The following PRKAR1B variants were observed in gnomAD, a reference collection of about 807,000 sequenced individuals.
PRKAR1B encodes the protein protein kinase cAMP-dependent type I regulatory subunit beta, also known as cAMP-dependent protein kinase type I-beta regulatory subunit.
A neutral mutation model predicts 46.5 loss-of-function variants in PRKAR1B; 22 were observed. The ratio of observed to expected loss-of-function variants is 0.47; its 90% CI spans 0.34 to 0.68. PRKAR1B has a LOEUF of 0.68. Ranked by LOEUF, PRKAR1B falls within the 30% of genes least tolerant of loss-of-function variation. The pLI is 0.01. For synonymous variants in PRKAR1B, 259 were observed against 217.7 expected (o/e 1.19, Z -1.67); for missense variants, 445 against 535.6 (o/e 0.83, Z 1.67).
rs1257452947 is a variant in PRKAR1B, at chr7:714,860, C to T, written c.-22-3333G>A. ...TCCTCAAACCAAACCTGAGGCCCTT[C>T]CCGTATCTGGACTTCCCAATTATGT... On this transcript the variant is annotated intron_variant, in intron 1 of 10. Transcript: ENST00000537384. The surrounding 1 kb of genome is among the most constrained non-coding windows in gnomAD (Gnocchi z 4.3). 6.6e-6 allele frequency among the ~76,000 whole-genome samples: 1 copy of T among 152,216 alleles called. No homozygotes were observed. Among genetic ancestry groups the T allele is most frequent in the African/African-American group, 2.4e-5 (1 of 41,446 alleles).
intron 9 of PRKAR1B, among the ~76,000 whole-genome samples, chr7:568,305 C>CT (rs1002470258): frequency 6.6e-6 from 1 of 152,200 alleles, no homozygotes; most frequent in Non-Finnish European, 1.5e-5. Context: ...AAGCTGCCCC[C>CT]TCAGGAGCCT....
At chr7:690,337 A>C (rs1217169422) in intron 2 of PRKAR1B, among the ~76,000 whole-genome samples, 2 of 151,750 alleles carry the variant, frequency 1.3e-5, no homozygotes, top group African/African-American at 4.8e-5. Flanking sequence ...CGAGGGCTGA[A>C]AAGCGACGGC....
At chr7:583,490 T>TGCACTCACACCCACACACACAC (rs1780364881) in intron 8 of PRKAR1B, among the ~76,000 whole-genome samples, 1 of 93,006 alleles carries the variant, frequency 1.1e-5, no homozygotes, top group African/African-American at 5.2e-5. Context: ...CGCACACACG[T>TGCACTCACACCCACACACACAC]GTGTGCACAC....
chr7:655,874 C>T (rs963062468), intron 4 of PRKAR1B, among the ~76,000 whole-genome samples: 4 of 152,182 alleles, frequency 2.6e-5, no homozygotes, highest in African/African-American at 4.8e-5. Context: ...GAGCAAATGA[C>T]GCCCCTACTT....
chr7:723,677 T>C (rs1781152838), intron 1 of PRKAR1B, among the ~76,000 whole-genome samples: 1 of 152,222 alleles, frequency 6.6e-6, no homozygotes, highest in African/African-American at 2.4e-5. Context: ...AAAGGGGTCC[T>C]TGAAAAATGC....
rs1241707041 is a variant in PRKAR1B, at chr7:644,543, C to G, written c.440+32686G>C. 6.6e-6 allele frequency among the ~76,000 whole-genome samples: 1 copy of G among 152,194 alleles called. No individual in the cohort carries two copies. The highest frequency in any genetic ancestry group is 2.4e-5 in the African/African-American group (1 of 41,460). On this transcript the variant is annotated intron_variant, in intron 4 of 10. Coordinates refer to ENST00000537384, the MANE Select transcript of PRKAR1B (RefSeq NM_001164760.2). The surrounding 1 kb of genome is among the most constrained non-coding windows in gnomAD (Gnocchi z 4.9). ...GGGCCCACCCTCCACTCCCCGCTGCCAGGGAGCCCTCCCAGCACTGAGGGG... is the reference window on the plus strand; with the variant it reads ...GGGCCCACCCTCCACTCCCCGCTGCGAGGGAGCCCTCCCAGCACTGAGGGG...
At chr7:566,188 C>G (rs1368265591) in intron 9 of PRKAR1B, among the ~76,000 whole-genome samples, 1 of 151,304 alleles carries the variant, frequency 6.6e-6, no homozygotes, top group East Asian at 1.9e-4. Context: ...ATCACCATAA[C>G]CACAACCACC....
chr7:700,985 C>T (rs1397408999), intron 2 of PRKAR1B, among the ~76,000 whole-genome samples: 2 of 151,950 alleles, frequency 1.3e-5, no homozygotes, highest in African/African-American at 4.8e-5. Context: ...GTCAGGAGTT[C>T]GAGAGCAGCC....
At chr7:680,535 C>T in intron 3 of PRKAR1B, 21 bp downstream of exon 3, 1 of 1,597,068 alleles carries the variant, frequency 6.3e-7, no homozygotes, top group Non-Finnish European at 8.5e-7. Context: ...GGACAGGAAC[C>T]CCGTGACCCG....
intron 6 of PRKAR1B, among the ~76,000 whole-genome samples, chr7:601,633 G>A (rs1047623223): frequency 1.2e-4 from 18 of 152,166 alleles, no homozygotes; most frequent in South Asian, 4.1e-4. Context: ...CGGCCCCGCC[G>A]GGCACTCCCT....
chr7:577,771 C>T (rs560477593), intron 9 of PRKAR1B, among the ~76,000 whole-genome samples: 8 of 152,284 alleles, frequency 5.3e-5, no homozygotes, highest in African/African-American at 9.6e-5. Flanking sequence ...GCTTAGCCCA[C>T]GAGGGTTCTT....
chr7:669,721 G>A lies in PRKAR1B; in HGVS notation c.440+7508C>T, dbSNP rs552350869. 6.0e-4 allele frequency among the ~76,000 whole-genome samples: 91 copies of A among 151,548 alleles called. 1 individual carries two copies. Among genetic ancestry groups the A allele is most frequent in the African/African-American group, 1.9e-3 (79 of 41,354 alleles). On this transcript the variant is annotated intron_variant, in intron 4 of 10. Transcript: ENST00000537384. ...GGAGGTTGCAGTGAGCCGAGATAGC[G>A]CCACTGCACTCCAGCCTGGGTGACA...
chr7:681,177 C>G (rs531017112), intron 2 of PRKAR1B, among the ~76,000 whole-genome samples: 2 of 152,100 alleles, frequency 1.3e-5, no homozygotes, highest in Admixed American at 1.3e-4. Context: ...CTGCTTCCCC[C>G]CTGCTGCCTT....
intron 4 of PRKAR1B, among the ~76,000 whole-genome samples, chr7:661,457 C>A (rs1290954911): frequency 5.8e-5 from 6 of 102,784 alleles, no homozygotes; most frequent in African/African-American, 1.2e-4. Context: ...ACTCTCCCCC[C>A]CATGGCACAG....
Position 685,390 on chromosome 7 carries a change from A to ATATACG in PRKAR1B, c.178-4665_178-4664insCGTATA, listed in dbSNP as rs1554303288. ...CACATATATATATATACATACATAT[A>ATATACG]TATATATATATGTATATATATACCA... On this transcript the variant is annotated intron_variant, in intron 2 of 10. Transcript: ENST00000537384. 1.6e-5 allele frequency among the ~76,000 whole-genome samples: 2 copies of ATATACG among 123,712 alleles called. 1 individual carries two copies. Among genetic ancestry groups the ATATACG allele is most frequent in the Non-Finnish European group, 3.3e-5 (2 of 60,886 alleles). The allele number at this position is 123,712 out of a possible 152,430, so 81.2% of individuals were successfully genotyped here. A position where few individuals can be genotyped will look rare whatever the true frequency, so the allele number is the denominator to read the frequency against.
Position 726,819 on chromosome 7 carries a change from C to T in PRKAR1B, c.-23+391G>A. 2 of 1,325,030 alleles carry T rather than the reference C, an allele frequency of 1.5e-6. No individual in the cohort carries two copies. Among genetic ancestry groups the T allele is most frequent in the African/African-American group, 1.5e-5 (1 of 65,232 alleles). The allele number at this position is 1,325,030 out of a possible 1,614,324, so 82.1% of individuals were successfully genotyped here. A position where few individuals can be genotyped will look rare whatever the true frequency, so the allele number is the denominator to read the frequency against. Reference sequence around the variant, plus strand: ...TGGAGCTGAGCCGCGCCCTGAGCCGCCTGCTGCCGGGGCTGGAGGCCGACA... The same window carrying T: ...TGGAGCTGAGCCGCGCCCTGAGCCGTCTGCTGCCGGGGCTGGAGGCCGACA... On this transcript the variant is annotated intron_variant, in intron 1 of 10. Transcript: ENST00000537384.
At chr7:557,395 T>C (rs1170604650) in intron 9 of PRKAR1B, among the ~76,000 whole-genome samples, 1 of 152,224 alleles carries the variant, frequency 6.6e-6, no homozygotes, top group South Asian at 2.1e-4. Context: ...TCCACCGCAC[T>C]GTTGCAGGGA....
At chr7:613,212 A>G (rs941545172) in intron 4 of PRKAR1B, among the ~76,000 whole-genome samples, 3 of 145,710 alleles carry the variant, frequency 2.1e-5, no homozygotes, top group African/African-American at 7.7e-5. Context: ...GGTTGGGGTC[A>G]TTTTCATGTG....
chr7:669,746 A>G (rs1196489563), intron 4 of PRKAR1B, among the ~76,000 whole-genome samples: 1 of 151,474 alleles, frequency 6.6e-6, no homozygotes, highest in Non-Finnish European at 1.5e-5. Context: ...CCTGGGTGAC[A>G]GAGTGAGACT....
Sources: allele counts gnomAD v4.1 joint callset (sites outside exome capture counted in the v4.1 genomes callset), GRCh38; gene constraint gnomAD v4.1.1; non-coding constraint Gnocchi (gnomAD v3.1); transcripts MANE v1.5; gene names NCBI Gene and HGNC (gene_info 2026-07-23, HGNC 2026-07-21).